The following TDO2 variants were observed in gnomAD, a reference collection of about 807,000 sequenced individuals.
TDO2 encodes the protein tryptophan 2,3-dioxygenase.
In TDO2, 63 loss-of-function variants were observed where a neutral mutation model predicts 61.2. That is an observed-to-expected ratio of 1.03 (90% CI 0.84 to 1.27). The LOEUF is 1.27. Ranked by LOEUF, TDO2 falls within the 50% of genes most tolerant of loss-of-function variation. TDO2 has a pLI of 0.00. For synonymous variants in TDO2, 183 were observed against 164.0 expected, an observed-to-expected ratio of 1.12 and a Z score of -0.89; for missense variants, 494 against 469.5, an observed-to-expected ratio of 1.05 and a Z score of -0.48.
At chr4:155,919,813 A>G (rs1182785479) in intron 11 of TDO2, 24 bp from the exon 12 acceptor site, 1 of 1,577,746 alleles carries the variant, frequency 6.3e-7, no homozygotes, top group Non-Finnish European at 8.6e-7. Context: ...CCAATGTAAC[A>G]CATCTTCATG....
Position 155,903,789 on chromosome 4 carries a change from T to C in TDO2, c.31T>C (p.Phe11Leu), listed in dbSNP as rs1348261104. 1 of 1,614,200 alleles carries C rather than the reference T, an allele frequency of 6.2e-7. No homozygotes were observed. Residue 11 changes from phenylalanine to leucine, a missense_variant, in exon 1 of 12, where the codon TTT becomes CTT. Physicochemically the swap from Phe to Leu is conservative, Grantham distance 22. Coordinates refer to ENST00000536354, the MANE Select transcript of TDO2 (RefSeq NM_005651.4). ...TGGGTGCCCATTTTTAGGAAACAAC[T>C]TTGGGTGAGTATTTACCTTTATTCT... MSGCPFLGNNFGYTFKKLPVE... is the reference protein window; with the variant it reads MSGCPFLGNNLGYTFKKLPVE...
chr4:155,916,970 C>T (rs1230618090), intron 9 of TDO2, among the ~76,000 whole-genome samples: 1 of 149,782 alleles, frequency 6.7e-6, no homozygotes, highest in Admixed American at 6.6e-5. Context: ...CAAAACAAAA[C>T]AAAACAACAA....
At position 155,914,569 on chromosome 4, in the gene TDO2, T is replaced by G. The variant is rs1328290222; in HGVS notation, c.838+135T>G. 1.7e-5 allele frequency: 10 copies of G among 597,290 alleles called. No individual in the cohort carries two copies. The Admixed American group carries it at 2.8e-4, about 17-fold the overall frequency. The allele number at this position is 597,290 out of a possible 1,614,324, so 37.0% of individuals were successfully genotyped here. ...GATATTCTACTGATAGAAACAAAAA[T>G]GGAGTAAATGTTTTTGGTGATAAAC... On this transcript the variant is annotated intron_variant, in intron 8 of 11. Coordinates refer to ENST00000536354, the MANE Select transcript of TDO2 (RefSeq NM_005651.4).
Position 155,917,481 on chromosome 4 carries a change from C to T in TDO2, c.976+7C>T, listed in dbSNP as rs1289253268. The T allele has an allele frequency of 6.2e-7, 1 of 1,603,052 alleles. No homozygotes were observed. Among genetic ancestry groups the T allele is most frequent in the East Asian group, 2.3e-5 (1 of 44,236 alleles). On this transcript the variant is annotated splice_region_variant and intron_variant, in intron 10 of 11. Transcript: ENST00000536354. ...CTGATGACCAAATGGAGATGTAAGT[C>T]CTTCCCACTCACCCCATGTTGCTTC... is the stretch of plus-strand genomic sequence containing the variant.
chr4:155,918,592 G>A (rs764219197), intron 11 of TDO2, among the ~76,000 whole-genome samples: 1 of 152,118 alleles, frequency 6.6e-6, no homozygotes, highest in Non-Finnish European at 1.5e-5. Flanking sequence ...TTCTACTAAT[G>A]TCTTCCTGGC....
chr4:155,905,996 G>A (rs1223543935), intron 3 of TDO2: 1 of 152,114 alleles, frequency 6.6e-6, no homozygotes, highest in African/African-American at 2.4e-5. Flanking sequence ...GGCTTATACC[G>A]AGGCAATATC....
chr4:155,915,692 A>G (rs564961717), intron 8 of TDO2, among the ~76,000 whole-genome samples, 163 bp from the exon 9 acceptor site: 1 of 152,310 alleles, frequency 6.6e-6, no homozygotes, highest in African/African-American at 2.4e-5. Context: ...ATTTTAAGTG[A>G]TATGTTTACA....
chr4:155,916,982 A>G (rs80234687), intron 9 of TDO2, among the ~76,000 whole-genome samples: 2 of 147,694 alleles, frequency 1.4e-5, no homozygotes, highest in African/African-American at 4.9e-5. Flanking sequence ...AAACAACAAC[A>G]AAAAAAACAA....
intron 8 of TDO2, among the ~76,000 whole-genome samples, chr4:155,915,447 A>C (rs1742914813): frequency 6.6e-6 from 1 of 152,196 alleles, no homozygotes; most frequent in African/African-American, 2.4e-5. Context: ...CATTAAAAAC[A>C]AGTTAACTAA....
chr4:155,905,468 G>A, intron 3 of TDO2: 1 of 246,830 alleles, frequency 4.1e-6, no homozygotes, highest in Non-Finnish European at 7.6e-6. Context: ...TCTCACTTCG[G>A]AACACTAAAA....
chr4:155,914,307 C>A lies in TDO2; in HGVS notation c.727-16C>A. Reference sequence around the variant, plus strand: ...TATTCTCTCTCAGGACTATTAATGCCATATTTTTCCTAAAGGCTAAAGAAG... The same window carrying A: ...TATTCTCTCTCAGGACTATTAATGCAATATTTTTCCTAAAGGCTAAAGAAG... On this transcript the variant is annotated splice_polypyrimidine_tract_variant and intron_variant, in intron 7 of 11. Coordinates refer to ENST00000536354, the MANE Select transcript of TDO2 (RefSeq NM_005651.4). 1 of 1,581,720 alleles carries A rather than the reference C, an allele frequency of 6.3e-7. No homozygotes were observed. Among genetic ancestry groups the A allele is most frequent in the Non-Finnish European group, 8.6e-7 (1 of 1,163,856 alleles).
intron 5 of TDO2, among the ~76,000 whole-genome samples, 196 bp from the exon 6 acceptor site, chr4:155,909,829 C>CTCTCCTCTCCTCTCCTCTCT: frequency 7.0e-6 from 1 of 142,258 alleles, no homozygotes; most frequent in Non-Finnish European, 1.5e-5. Context: ...CTCTTCTCTT[C>CTCTCCTCTCCTCTCCTCTCT]TCTCCTCTCC....
At position 155,911,516 on chromosome 4, in the gene TDO2, C is replaced by A; in HGVS notation, c.638C>A (p.Pro213Gln). ...ELVEAWLERT[P>Q]GLEPHGFNFW... ...TTTAAGGCATGGCTGGAAAGAACTCCAGGTTTAGAGCCACATGGATTTAAC... is the reference window on the plus strand; with the variant it reads ...TTTAAGGCATGGCTGGAAAGAACTCAAGGTTTAGAGCCACATGGATTTAAC... Residue 213 changes from proline to glutamine, a missense_variant, in exon 7 of 12, where the codon CCA (proline) becomes CAA (glutamine). Pro to Gln is a moderately conservative substitution (Grantham distance 76). Transcript: ENST00000536354. 1 of 1,582,832 alleles carries A rather than the reference C, an allele frequency of 6.3e-7. No homozygotes were observed. Among genetic ancestry groups the A allele is most frequent in the Non-Finnish European group, 8.6e-7 (1 of 1,161,266 alleles).
chr4:155,909,823 TCTCTTCTCTCCTCTCCTCTC>T (rs1742784087), intron 5 of TDO2, among the ~76,000 whole-genome samples, 182 bp from the exon 6 acceptor site: 1 of 144,274 alleles, frequency 6.9e-6, no homozygotes, highest in African/African-American at 2.6e-5. Flanking sequence ...TGTCAGCTCT[TCTCTTCTCTCCTCTCCTCTC>T]CTCTCTTCTC....
At chr4:155,919,042 A>G (rs1470915388) in intron 11 of TDO2, among the ~76,000 whole-genome samples, 1 of 152,194 alleles carries the variant, frequency 6.6e-6, no homozygotes, top group Non-Finnish European at 1.5e-5. Context: ...TGTAAGCACA[A>G]AACAGTTGAT....
chr4:155,918,846 G>T (rs997397980), intron 11 of TDO2: 14 of 152,190 alleles, frequency 9.2e-5, no homozygotes, highest in African/African-American at 3.1e-4. Flanking sequence ...AAAAACTTCT[G>T]TGGTCCCTTG....
chr4:155,911,465 T>C, intron 6 of TDO2, 32 bp from the exon 7 acceptor site: 2 of 1,538,828 alleles, frequency 1.3e-6, no homozygotes, highest in South Asian at 2.3e-5. Flanking sequence ...AATTTTACCA[T>C]GTACTCACTT....
chr4:155,908,915 T>C lies in TDO2; in HGVS notation c.332T>C (p.Val111Ala). ...HVRDERNMLK[V>A]VSRMHRVSVI... The stretch of plus-strand genomic sequence containing the variant: ...AGAGATGAAAGGAACATGCTTAAGG[T>C]TGTTTCTCGGATGCACCGAGTGTCA... The change falls in exon 5 of 12, where the codon GTT becomes GCT. Residue 111 changes from valine to alanine, a missense_variant. Coordinates refer to ENST00000536354, the MANE Select transcript of TDO2 (RefSeq NM_005651.4). 6.2e-7 allele frequency: 1 copy of C among 1,612,736 alleles called. No individual in the cohort carries two copies. The highest frequency in any genetic ancestry group is 2.2e-5 in the East Asian group (1 of 44,778).
At chr4:155,914,263 T>C in intron 7 of TDO2, 60 bp from the exon 8 acceptor site, 1 of 1,318,232 alleles carries the variant, frequency 7.6e-7, no homozygotes, top group Non-Finnish European at 1.0e-6. Context: ...AGCAAAGTTT[T>C]CTAAAATATC....
Sources: gnomAD v4.1 joint callset for allele counts (sites outside exome capture counted in the v4.1 genomes callset) on GRCh38, gnomAD v4.1.1 for gene constraint, MANE v1.5 for transcripts, NCBI Gene and HGNC (gene_info 2026-07-23, HGNC 2026-07-21) for gene names.